The following NBAS variants were observed in gnomAD, a reference collection of about 807,000 sequenced individuals.
The protein encoded by NBAS is NAG/BC035112 fusion.
In NBAS, 219 loss-of-function variants were observed where a neutral mutation model predicts 302.5. The ratio of observed to expected loss-of-function variants is 0.72; its 90% confidence interval spans 0.65 to 0.81. NBAS has a LOEUF of 0.81. Ranked by LOEUF, NBAS falls within the 30% of genes least tolerant of loss-of-function variation. The pLI, the probability that NBAS is intolerant of heterozygous loss-of-function variation, is 0.00. For synonymous variants in NBAS, 1,118 were observed against 1,021.6 expected (o/e 1.09, Z -1.80); for missense variants, 2,932 against 2,841.6 (o/e 1.03, Z -0.72).
At chr2:15,416,528 G>C (rs887416366) in intron 24 of NBAS, among the ~76,000 whole-genome samples, 1 of 152,186 alleles carries the variant, frequency 6.6e-6, no homozygotes, top group East Asian at 1.9e-4. Context: ...GATAAGCCAG[G>C]AGAGGTGGCT....
intron 12 of NBAS, among the ~76,000 whole-genome samples, chr2:15,484,823 A>G (rs988354529): frequency 6.6e-6 from 1 of 152,172 alleles, no homozygotes; most frequent in African/African-American, 2.4e-5. Context: ...GTCAATAAAT[A>G]CTTGAACTTT....
At chr2:15,237,613 T>A (rs1667656246) in intron 45 of NBAS, among the ~76,000 whole-genome samples, 1 of 149,212 alleles carries the variant, frequency 6.7e-6, no homozygotes, top group African/African-American at 2.5e-5. Context: ...TTTATTTATC[T>A]GAGACAGAGT....
At chr2:15,534,754 A>G (rs893463359) in intron 8 of NBAS, 113 bp from the exon 9 acceptor site, 2 of 841,100 alleles carry the variant, frequency 2.4e-6, no homozygotes, top group African/African-American at 3.3e-5. Flanking sequence ...AATATTGCTG[A>G]GGATATAAAA....
At chr2:15,130,299 T>G in the NBAS span, among the ~76,000 whole-genome samples, 1 of 152,262 alleles carries the variant, frequency 6.6e-6, no homozygotes, top group Non-Finnish European at 1.5e-5. Flanking sequence ...ATTCGTATTT[T>G]TTTTATTCAT....
chr2:15,219,070 T>A (rs2147885538), intron 47 of NBAS, 102 bp from the exon 48 acceptor site: 5 of 1,429,956 alleles, frequency 3.5e-6, no homozygotes, highest in Admixed American at 4.3e-5. Flanking sequence ...GTTTGTTGGA[T>A]GACTTCGTTT....
the NBAS span, among the ~76,000 whole-genome samples, chr2:15,148,003 G>GT: frequency 1.3e-5 from 2 of 152,210 alleles, no homozygotes; most frequent in Non-Finnish European, 2.9e-5. Flanking sequence ...GCTGGGGACA[G>GT]AAAGGATGCA....
At chr2:14,875,670 TA>T in the NBAS span, among the ~76,000 whole-genome samples, 1 of 152,072 alleles carries the variant, frequency 6.6e-6, no homozygotes, top group South Asian at 2.1e-4. Flanking sequence ...AATAAAATAT[TA>T]AAATTAAAAA....
At chr2:15,303,122 G>A (rs1441981539) in intron 40 of NBAS, among the ~76,000 whole-genome samples, 1 of 152,164 alleles carries the variant, frequency 6.6e-6, no homozygotes, top group Non-Finnish European at 1.5e-5. Flanking sequence ...TGTGGGTAGT[G>A]TGAGTCAATA....
chr2:15,356,192 C>T (rs1673609103), intron 33 of NBAS, 111 bp downstream of exon 33: 2 of 845,072 alleles, frequency 2.4e-6, no homozygotes, highest in Admixed American at 1.8e-5. Flanking sequence ...TATCTCAAGC[C>T]TCAATGTGGC....
chr2:15,134,055 T>TC, the NBAS span, among the ~76,000 whole-genome samples: 29 of 87,480 alleles, frequency 3.3e-4, no homozygotes, highest in Admixed American at 7.1e-4. Context: ...TGAACATTTC[T>TC]TTCTCTCTCT....
chr2:15,342,507 A>T (rs1473142337), intron 35 of NBAS, among the ~76,000 whole-genome samples: 1 of 152,112 alleles, frequency 6.6e-6, no homozygotes, highest in Non-Finnish European at 1.5e-5. Flanking sequence ...ATAAACCTCC[A>T]GGAGACAGAG....
intron 44 of NBAS, among the ~76,000 whole-genome samples, chr2:15,246,594 G>A (rs994555378): frequency 2.6e-5 from 4 of 152,192 alleles, no homozygotes; most frequent in Non-Finnish European, 5.9e-5. Context: ...AGTAATTCCT[G>A]TAAGAAGGCC....
chr2:15,017,094 G>A, the NBAS span, among the ~76,000 whole-genome samples: 1 of 151,992 alleles, frequency 6.6e-6, no homozygotes, highest in Non-Finnish European at 1.5e-5. Flanking sequence ...ATAATACTGG[G>A]AAAACCAAAT....
the NBAS span, among the ~76,000 whole-genome samples, chr2:15,070,390 C>T: frequency 6.6e-6 from 1 of 152,060 alleles, no homozygotes; most frequent in East Asian, 1.9e-4. Context: ...GACCCCACAG[C>T]TCCTGCCCCT....
At chr2:15,471,340 T>G (rs1034004033) in intron 16 of NBAS, among the ~76,000 whole-genome samples, 1 of 152,232 alleles carries the variant, frequency 6.6e-6, no homozygotes, top group Non-Finnish European at 1.5e-5. Context: ...ATCTTGCTTG[T>G]ATTAATGTTA....
chr2:15,184,045 G>A (rs1280744853), intron 50 of NBAS, among the ~76,000 whole-genome samples: 4 of 152,124 alleles, frequency 2.6e-5, no homozygotes, highest in Non-Finnish European at 4.4e-5. Flanking sequence ...GTCATTTTCC[G>A]ATAGGAAACA....
intron 21 of NBAS, among the ~76,000 whole-genome samples, chr2:15,447,089 C>G (rs573075343): frequency 6.6e-6 from 1 of 152,266 alleles, no homozygotes; most frequent in South Asian, 2.1e-4. Flanking sequence ...ACACACGGGA[C>G]ATGTGAACAA....
intron 23 of NBAS, among the ~76,000 whole-genome samples, chr2:15,421,136 A>G (rs868632412): frequency 6.6e-6 from 1 of 151,980 alleles, no homozygotes. Context: ...GCAAGTTTTT[A>G]AAAAAAACAA....
At chr2:14,880,469 T>A in the NBAS span, among the ~76,000 whole-genome samples, 2 of 151,648 alleles carry the variant, frequency 1.3e-5, no homozygotes, top group East Asian at 1.9e-4. Context: ...AATTAGAAAT[T>A]CAAAATGGAA....
Sources: gnomAD v4.1 joint callset for allele counts (sites outside exome capture counted in the v4.1 genomes callset) on GRCh38, gnomAD v4.1.1 for gene constraint, MANE v1.5 for transcripts, NCBI Gene and HGNC (gene_info 2026-07-23, HGNC 2026-07-21) for gene names.